NRG4: variants seen among roughly 807,000 people sequenced by gnomAD.
NRG4 encodes the protein pro-neuregulin-4, membrane-bound isoform.
A neutral mutation model predicts 15.0 loss-of-function variants in NRG4; 10 were observed. The ratio of observed to expected loss-of-function variants is 0.67; its 90% CI spans 0.41 to 1.13. The LOEUF is 1.13. Ranked by LOEUF, NRG4 falls within the 50% of genes most tolerant of loss-of-function variation. The pLI is 0.00. For synonymous variants in NRG4, 41 were observed against 50.1 expected (o/e 0.82, Z 0.77); for missense variants, 139 against 140.2 (o/e 0.99, Z 0.04).
At chr15:76,044,122 C>G (rs1210908759) in intron 4 of NRG4, among the ~76,000 whole-genome samples, 1 of 152,032 alleles carries the variant, frequency 6.6e-6, no homozygotes, top group Non-Finnish European at 1.5e-5. Flanking sequence ...CTCAGCCTCC[C>G]GAGTAGCTGG....
intron 5 of NRG4, among the ~76,000 whole-genome samples, chr15:76,019,970 C>G (rs895804755): frequency 6.6e-6 from 1 of 152,174 alleles, no homozygotes; most frequent in Non-Finnish European, 1.5e-5. Flanking sequence ...TTCCAACAGC[C>G]TGTGCTCACT....
intron 3 of NRG4, among the ~76,000 whole-genome samples, chr15:75,982,643 A>C (rs79511792): frequency 6.6e-6 from 1 of 152,232 alleles, no homozygotes; most frequent in African/African-American, 2.4e-5. Context: ...AGGAAGTACA[A>C]GTAAATTCCT....
At chr15:76,026,921 G>A (rs1356381943) in intron 5 of NRG4, among the ~76,000 whole-genome samples, 1 of 152,104 alleles carries the variant, frequency 6.6e-6, no homozygotes, top group Admixed American at 6.6e-5. Flanking sequence ...AGGAGATTGA[G>A]ACCATCCTGG....
At chr15:76,050,465 G>A (rs1016448138) in intron 4 of NRG4, among the ~76,000 whole-genome samples, 20 of 98,048 alleles carry the variant, frequency 2.0e-4, no homozygotes, top group Non-Finnish European at 1.3e-4. Context: ...TTTTTGAAAC[G>A]GAGTCTCACT....
chr15:76,053,689 G>T lies in NRG4; in HGVS notation c.-261-706C>A, dbSNP rs995513074. 8.0e-5 allele frequency among the ~76,000 whole-genome samples: 12 copies of T among 150,568 alleles called. 1 individual carries two copies. The highest frequency in any genetic ancestry group is 2.5e-4 in the African/African-American group (10 of 40,220). ...TCCTGTCTCAGCCTCCCGAGTAGCT[G>T]GGACTACCAGCGTATACTACGACGC... On this transcript the variant is annotated intron_variant, in intron 2 of 8. Transcript: ENST00000563910.
chr15:75,965,757 C>T (rs951060605), intron 3 of NRG4, among the ~76,000 whole-genome samples: 2 of 152,154 alleles, frequency 1.3e-5, no homozygotes, highest in Non-Finnish European at 2.9e-5. Context: ...CAGAATTAAT[C>T]GACTCCTTCA....
intron 4 of NRG4, among the ~76,000 whole-genome samples, chr15:76,036,785 G>C (rs1749854856): frequency 6.6e-6 from 1 of 152,142 alleles, no homozygotes; most frequent in African/African-American, 2.4e-5. Context: ...AACTCCTACT[G>C]AATGGGGAAA....
chr15:75,971,335 G>A, intron 3 of NRG4: 1 of 367,404 alleles, frequency 2.7e-6, no homozygotes, highest in South Asian at 2.1e-5. Flanking sequence ...CCTATTGGGT[G>A]AGATGACAGA....
rs917126359 is a variant in NRG4, at chr15:76,053,523, T to C, written c.-261-540A>G. ...AGGATTCTATCAATAACTACATGGA[T>C]ATGTACTTGCTAGGTTTTATTTTTA... On this transcript the variant is annotated intron_variant, in intron 2 of 8. Coordinates refer to the NRG4 transcript ENST00000563910. Among the ~76,000 whole-genome samples the C allele has an allele frequency of 7.3e-5, 11 of 151,016 alleles. 2 individuals carry two copies. The highest frequency in any genetic ancestry group is 2.5e-4 in the African/African-American group (10 of 40,490).
intron 3 of NRG4, among the ~76,000 whole-genome samples, chr15:75,982,247 C>T (rs1026172285): frequency 9.2e-5 from 14 of 152,054 alleles, no homozygotes; most frequent in Admixed American, 9.2e-4. Flanking sequence ...CAAAAATCCT[C>T]AATAAAATAC....
chr15:75,999,504 T>C (rs913434842), intron 3 of NRG4, among the ~76,000 whole-genome samples: 1 of 152,186 alleles, frequency 6.6e-6, no homozygotes, highest in Non-Finnish European at 1.5e-5. Flanking sequence ...CCCTCTGCTA[T>C]GTGAGGACAC....
upstream of NRG4, chr15:76,059,840 G>A (rs1045917067): frequency 2.8e-5 from 4 of 145,418 alleles, no homozygotes. Context: ...GCGCAGGCGC[G>A]GGCTCGGCCA....
chr15:76,059,724 A>C (rs1217736755), exon 1 of NRG4: 1 of 150,544 alleles, frequency 6.6e-6, no homozygotes, highest in Non-Finnish European at 1.5e-5. Context: ...CCCCCTGCCC[A>C]GCTCAGGCCG....
upstream of NRG4, among the ~76,000 whole-genome samples, chr15:76,015,968 T>C (rs1031713076): frequency 1.3e-5 from 2 of 152,164 alleles, no homozygotes; most frequent in African/African-American, 4.8e-5. Context: ...TGTGAATCTG[T>C]CTTGTCCTGG....
At chr15:75,982,492 G>C (rs1432135784) in intron 3 of NRG4, among the ~76,000 whole-genome samples, 2 of 152,176 alleles carry the variant, frequency 1.3e-5, no homozygotes, top group Non-Finnish European at 2.9e-5. Flanking sequence ...GACTAGCTAA[G>C]ATGCTATAGA....
Position 75,990,956 on chromosome 15 carries a change from G to A in NRG4, c.104+18244C>T, listed in dbSNP as rs1275469690. Among the ~76,000 whole-genome samples, 3 of 152,050 alleles carry A rather than the reference G, an allele frequency of 2.0e-5. No individual in the cohort carries two copies. The East Asian group carries it at 5.8e-4, about 29-fold the overall frequency. ...TTCCCAAAGTGCTGGGATTACAGCA[G>A]CGAGCCACCACACTCAGCCGGTAAT... On this transcript the variant is annotated intron_variant, in intron 3 of 5. Coordinates refer to ENST00000394907, the MANE Select transcript of NRG4 (RefSeq NM_138573.4).
chr15:75,946,315 G>T (rs975211033), intron 5 of NRG4, among the ~76,000 whole-genome samples: 5 of 152,144 alleles, frequency 3.3e-5, no homozygotes, highest in African/African-American at 1.2e-4. Context: ...CATTTACATT[G>T]TGTGCAACCA....
intron 3 of NRG4, among the ~76,000 whole-genome samples, chr15:75,981,039 G>A (rs914006113): frequency 6.6e-6 from 1 of 152,178 alleles, no homozygotes; most frequent in Non-Finnish European, 1.5e-5. Flanking sequence ...AGCACATTTG[G>A]TGAATTGCAG....
At position 75,944,409 on chromosome 15, in the gene NRG4, A is replaced by G. The variant is rs540575886; in HGVS notation, c.332-755T>C. Among the ~76,000 whole-genome samples, 5 of 152,260 alleles carry G rather than the reference A, an allele frequency of 3.3e-5. No individual in the cohort carries two copies. In the South Asian group the frequency reaches 1.0e-3, roughly 32 times the overall value. ...GCATTAGGGCATTATTGCAGTAGGG[A>G]TGGTGTCTAACAACAATATAAATGC... On this transcript the variant is annotated intron_variant, in intron 5 of 5. Transcript: ENST00000394907.
Sources: allele counts gnomAD v4.1 joint callset (sites outside exome capture counted in the v4.1 genomes callset), GRCh38; gene constraint gnomAD v4.1.1; transcripts MANE v1.5; gene names NCBI Gene and HGNC (gene_info 2026-07-23, HGNC 2026-07-21).